The following UPF2 variants were observed in gnomAD, a reference collection of about 807,000 sequenced individuals.
The protein encoded by UPF2 is UPF2 regulator of nonsense mediated mRNA decay.
A neutral mutation model predicts 141.4 loss-of-function variants in UPF2; 17 were observed. The observed-to-expected ratio is 0.12, with a 90% CI of 0.08 to 0.18. UPF2 has a LOEUF of 0.18. UPF2 is among the 10% of genes least tolerant of loss of function. The pLI, the probability that UPF2 is intolerant of heterozygous loss-of-function variation, is 1.00. For missense variants in UPF2, 1,152 were observed against 1,515.9 expected (o/e 0.76, Z 3.99); for synonymous variants, 540 against 498.0 (o/e 1.08, Z -1.12).
intron 2 of UPF2, among the ~76,000 whole-genome samples, chr10:12,032,539 A>G (rs190480959): frequency 1.6e-3 from 246 of 151,660 alleles, no homozygotes; most frequent in Non-Finnish European, 2.6e-3. Flanking sequence ...GGAGTTCAAG[A>G]CCAGCCTGGG....
chr10:11,920,842 C>G lies in UPF2; in HGVS notation c.*456G>C. Reference sequence around the variant, plus strand: ...ATACTTTTCTACTGTAGTCCTGGAGCCCCCAAATGTATCTTCTTCCAACGT... The same window carrying G: ...ATACTTTTCTACTGTAGTCCTGGAGGCCCCAAATGTATCTTCTTCCAACGT... On this transcript the variant is annotated 3_prime_UTR_variant, in exon 22 of 22. Coordinates refer to ENST00000357604, the MANE Select transcript of UPF2 (RefSeq NM_015542.4). The G allele has an allele frequency of 2.8e-6, 1 of 357,612 alleles. No individual in the cohort carries two copies. Among genetic ancestry groups the G allele is most frequent in the Non-Finnish European group, 5.6e-6 (1 of 178,714 alleles). 22.2% of individuals were successfully genotyped at this position (357,612 alleles called of 1,614,324 possible). A position where few individuals can be genotyped will look rare whatever the true frequency, so the allele number is the denominator to read the frequency against.
At chr10:12,010,626 G>C (rs1834110825) in intron 4 of UPF2, among the ~76,000 whole-genome samples, 1 of 152,098 alleles carries the variant, frequency 6.6e-6, no homozygotes, top group Non-Finnish European at 1.5e-5. Context: ...TTGTAATTGA[G>C]TCCCTATAGG....
rs189508958 is a variant in UPF2 at position 11,935,283 on chromosome 10, A to G, written c.3546+1262T>C. On this transcript the variant is annotated intron_variant, in intron 19 of 21. Coordinates refer to ENST00000357604, the MANE Select transcript of UPF2 (RefSeq NM_015542.4). The surrounding 1 kb of genome is among the most constrained non-coding windows in gnomAD (Gnocchi z 4.9). ...TCATATGCCTCCCAACACCAGAATG[A>G]AAGCTCGCAAGAGAGGAAGGACTCT... Among the ~76,000 whole-genome samples, 314 of 152,278 alleles carry G rather than the reference A, an allele frequency of 2.1e-3. 1 individual carries two copies. Among genetic ancestry groups the G allele is most frequent in the African/African-American group, 6.9e-3 (286 of 41,554 alleles).
At chr10:11,937,375 T>C (rs960212583) in intron 18 of UPF2, among the ~76,000 whole-genome samples, 1 of 152,092 alleles carries the variant, frequency 6.6e-6, no homozygotes, top group South Asian at 2.1e-4. Context: ...ACAGAAACAA[T>C]GATGATGATA....
At chr10:11,987,577 A>G (rs1345247112) in intron 8 of UPF2, among the ~76,000 whole-genome samples, 4 of 151,474 alleles carry the variant, frequency 2.6e-5, no homozygotes, top group Non-Finnish European at 5.9e-5. Context: ...GGCCAACATC[A>G]TGAAACCCCG....
chr10:11,958,766 T>C (rs1833194389), intron 12 of UPF2, among the ~76,000 whole-genome samples: 1 of 152,042 alleles, frequency 6.6e-6, no homozygotes, highest in Non-Finnish European at 1.5e-5. Context: ...TCCAGAAAAA[T>C]ACAAATAGCC....
intron 8 of UPF2, among the ~76,000 whole-genome samples, chr10:11,993,524 T>A (rs1458234925): frequency 1.7e-4 from 25 of 146,506 alleles, no homozygotes; most frequent in African/African-American, 6.0e-4. Flanking sequence ...CTTCAAAAAT[T>A]CCAAAAAAAA....
Position 11,980,948 on chromosome 10 carries a change from C to G in UPF2, c.1845-1783G>C, listed in dbSNP as rs745750828. Among the ~76,000 whole-genome samples the G allele has an allele frequency of 2.0e-5, 3 of 152,008 alleles. No homozygotes were observed. Among genetic ancestry groups the G allele is most frequent in the Non-Finnish European group, 4.4e-5 (3 of 67,998 alleles). ...GTGGTCAATAATCCCAGCACTTTGG[C>G]AGGCTGAGACAGGTGGATCACCTGA... is the stretch of plus-strand genomic sequence containing the variant. On this transcript the variant is annotated intron_variant, in intron 8 of 21. Coordinates refer to ENST00000357604, the MANE Select transcript of UPF2 (RefSeq NM_015542.4). This position sits in a 1 kb window ranked among gnomAD's most constrained non-coding sequence, Gnocchi z 4.2.
At position 11,939,282 on chromosome 10, in the gene UPF2, C is replaced by T. The variant is rs1165834428; in HGVS notation, c.3379-2570G>A. On this transcript the variant is annotated intron_variant, in intron 18 of 21. Coordinates refer to ENST00000357604, the MANE Select transcript of UPF2 (RefSeq NM_015542.4). This position sits in a 1 kb window ranked among gnomAD's most constrained non-coding sequence, Gnocchi z 4.8. ...AGATGTAAAGCACTTGATGCAGGGC[C>T]CAACAGTCTTCATAATTATTGGAGT... Among the ~76,000 whole-genome samples, 1 of 151,992 alleles carries T rather than the reference C, an allele frequency of 6.6e-6. No individual in the cohort carries two copies. Among genetic ancestry groups the T allele is most frequent in the Non-Finnish European group, 1.5e-5 (1 of 68,004 alleles).
intron 8 of UPF2, among the ~76,000 whole-genome samples, chr10:11,986,485 T>C (rs930518902): frequency 3.3e-5 from 5 of 152,174 alleles, no homozygotes; most frequent in Admixed American, 2.0e-4. Flanking sequence ...TCCTAATCAA[T>C]TGGCTTTCTA....
chr10:11,988,831 G>A (rs1350091944), intron 8 of UPF2, among the ~76,000 whole-genome samples: 4 of 152,044 alleles, frequency 2.6e-5, no homozygotes, highest in Admixed American at 6.6e-5. Flanking sequence ...TTATCTCCTC[G>A]CTTGAGGGCT....
chr10:11,953,060 T>A lies in UPF2; in HGVS notation c.2851-811A>T, dbSNP rs969101672. On this transcript the variant is annotated intron_variant, in intron 14 of 21. Transcript: ENST00000357604. This position sits in a 1 kb window ranked among gnomAD's most constrained non-coding sequence, Gnocchi z 5.0. ...ATTTATTGAATATCTACTGTGTATA[T>A]GGCATGGTGTGGATATTTTCCCTCT... 2.6e-5 allele frequency among the ~76,000 whole-genome samples: 4 copies of A among 152,230 alleles called. No homozygotes were observed. Among genetic ancestry groups the A allele is most frequent in the Admixed American group, 2.6e-4 (4 of 15,280 alleles).
intron 21 of UPF2, among the ~76,000 whole-genome samples, chr10:11,924,045 TAA>T (rs1253212141): frequency 1.3e-5 from 2 of 152,352 alleles, no homozygotes; most frequent in East Asian, 1.9e-4. Context: ...CCAAAAATGT[TAA>T]GTTTCACAGA....
intron 1 of UPF2, chr10:12,035,721 C>A: frequency 4.2e-6 from 1 of 238,718 alleles, no homozygotes; most frequent in Non-Finnish European, 8.0e-6. Context: ...TAAGGAACCT[C>A]CACGTACCCA....
chr10:12,025,188 C>G (rs1187473446), intron 3 of UPF2, among the ~76,000 whole-genome samples: 2 of 152,220 alleles, frequency 1.3e-5, no homozygotes, highest in East Asian at 3.9e-4. Context: ...CAATTATTTT[C>G]TACATGGTGA....
At chr10:12,025,151 G>C (rs984641949) in intron 3 of UPF2, among the ~76,000 whole-genome samples, 3 of 151,940 alleles carry the variant, frequency 2.0e-5, no homozygotes, top group Non-Finnish European at 4.4e-5. Flanking sequence ...CTATCCTAAG[G>C]CATGAGTGAT....
intron 19 of UPF2, among the ~76,000 whole-genome samples, chr10:11,932,869 AAAT>A (rs1347144936): frequency 2.4e-4 from 37 of 152,168 alleles, no homozygotes; most frequent in African/African-American, 8.7e-4. Context: ...AAAATACAAC[AAAT>A]AACTCCTTAT....
intron 4 of UPF2, among the ~76,000 whole-genome samples, chr10:12,012,594 T>C (rs1452669559): frequency 6.6e-6 from 1 of 150,564 alleles, no homozygotes; most frequent in Non-Finnish European, 1.5e-5. Context: ...GGTCAGGAGA[T>C]CGAGATCATC....
chr10:12,034,656 T>C (rs1834589663), intron 2 of UPF2, among the ~76,000 whole-genome samples: 1 of 151,916 alleles, frequency 6.6e-6, no homozygotes, highest in Non-Finnish European at 1.5e-5. Context: ...AATACAAAAA[T>C]TAGCTGGGCA....
Sources: gnomAD v4.1 joint callset for allele counts (sites outside exome capture counted in the v4.1 genomes callset) on GRCh38, gnomAD v4.1.1 for gene constraint, Gnocchi (gnomAD v3.1) non-coding constraint, MANE v1.5 for transcripts, NCBI Gene and HGNC (gene_info 2026-07-23, HGNC 2026-07-21) for gene names.